The following LDLRAD4 variants were observed in gnomAD, a reference collection of about 807,000 sequenced individuals.
LDLRAD4 encodes the protein low density lipoprotein receptor class A domain containing 4.
LDLRAD4 carries 5 observed loss-of-function variants against 17.0 expected under a neutral mutation model. That is an observed-to-expected ratio of 0.29 (90% CI 0.15 to 0.62). The LOEUF (loss-of-function observed/expected upper bound fraction) is 0.62, where lower values mean the gene tolerates loss of function less well. LDLRAD4 is among the 20% of genes least tolerant of loss of function. LDLRAD4 has a pLI of 0.84. For synonymous variants in LDLRAD4, 168 were observed against 171.8 expected, an observed-to-expected ratio of 0.98 and a Z score of 0.17; for missense variants, 340 against 424.7, an observed-to-expected ratio of 0.80 and a Z score of 1.75.
intron 4 of LDLRAD4, among the ~76,000 whole-genome samples, chr18:13,626,435 TG>T (rs1309850402): frequency 6.6e-6 from 1 of 152,042 alleles, no homozygotes; most frequent in Non-Finnish European, 1.5e-5. Flanking sequence ...CAGCCTGGCC[TG>T]TGTGGACAGC....
intron 1 of LDLRAD4, among the ~76,000 whole-genome samples, chr18:13,227,594 G>A (rs1056977956): frequency 1.3e-5 from 2 of 152,156 alleles, no homozygotes; most frequent in Non-Finnish European, 2.9e-5. Context: ...AGAAATACCC[G>A]AGACTGGGTA....
chr18:13,378,511 C>T (rs183692554), intron 1 of LDLRAD4, among the ~76,000 whole-genome samples: 43 of 152,170 alleles, frequency 2.8e-4, no homozygotes, highest in Admixed American at 1.2e-3. Flanking sequence ...CAGGACCCTG[C>T]GTGATGATTT....
chr18:13,255,194 G>GC (rs371613539), intron 1 of LDLRAD4, among the ~76,000 whole-genome samples: 2,168 of 151,402 alleles, frequency 0.014, 62 homozygotes, highest in African/African-American at 0.049. Context: ...ACAGATGCCC[G>GC]CCCCCCCCAG....
intron 1 of LDLRAD4, among the ~76,000 whole-genome samples, chr18:13,306,047 G>A (rs920624852): frequency 1.3e-5 from 2 of 152,190 alleles, no homozygotes; most frequent in African/African-American, 4.8e-5. Flanking sequence ...AATAGGAGAA[G>A]CAGCAGTTGA....
chr18:13,498,272 A>T (rs1381519727), intron 3 of LDLRAD4, among the ~76,000 whole-genome samples: 3 of 107,700 alleles, frequency 2.8e-5, no homozygotes, highest in Admixed American at 1.9e-4. Flanking sequence ...ATCCTTTTCC[A>T]CACACACGTC....
intron 3 of LDLRAD4, among the ~76,000 whole-genome samples, chr18:13,590,061 CTGCATGTGTGTGGGTG>C (rs1052677822): frequency 9.7e-5 from 14 of 143,728 alleles, no homozygotes; most frequent in Admixed American, 8.3e-4. Flanking sequence ...ATGTGTGTGA[CTGCATGTGTGTGGGTG>C]TGCATGTGTG....
intron 1 of LDLRAD4, among the ~76,000 whole-genome samples, chr18:13,262,248 G>T (rs1446433333): frequency 8.6e-6 from 1 of 115,812 alleles, no homozygotes; most frequent in South Asian, 2.9e-4. Context: ...GTGTGGCTCT[G>T]TGTGTGTGGA....
intron 3 of LDLRAD4, among the ~76,000 whole-genome samples, chr18:13,544,389 A>G (rs1339952770): frequency 6.6e-6 from 1 of 152,240 alleles, no homozygotes; most frequent in Admixed American, 6.5e-5. Context: ...TGGGCAGGGA[A>G]AATATTTGAA....
At chr18:13,283,877 A>G (rs879698657) in intron 1 of LDLRAD4, among the ~76,000 whole-genome samples, 1 of 152,222 alleles carries the variant, frequency 6.6e-6, no homozygotes, top group Non-Finnish European at 1.5e-5. Flanking sequence ...AGGCCTCAGA[A>G]TCGTGGCTGA....
intron 2 of LDLRAD4, among the ~76,000 whole-genome samples, chr18:13,424,763 G>A (rs2089792314): frequency 6.6e-6 from 1 of 152,220 alleles, no homozygotes; most frequent in African/African-American, 2.4e-5. Flanking sequence ...CTAGGCAGGA[G>A]GAACCGTGTA....
At chr18:13,311,894 C>T (rs948460923) in intron 1 of LDLRAD4, among the ~76,000 whole-genome samples, 29 of 148,278 alleles carry the variant, frequency 2.0e-4, no homozygotes, top group African/African-American at 5.2e-4. Flanking sequence ...TGCAGTGGTG[C>T]GATCTTGGCT....
At position 13,381,376 on chromosome 18, in the gene LDLRAD4, CT is replaced by C. The variant is rs1318226805; in HGVS notation, c.-382-5959del. Reference sequence around the variant, plus strand: ...AGGCACCGTGCCCGCCCACTGTATCCTTTTTTATGCCCATTTGCCCTCTCTC... The same window carrying C: ...AGGCACCGTGCCCGCCCACTGTATCCTTTTTATGCCCATTTGCCCTCTCTC... On this transcript the variant is annotated intron_variant, in intron 1 of 5. Transcript: ENST00000359446. Among the ~76,000 whole-genome samples the C allele has an allele frequency of 9.2e-5, 14 of 152,290 alleles. No individual in the cohort carries two copies. The East Asian group carries it at 2.7e-3, about 29-fold the overall frequency.
chr18:13,547,417 T>G (rs908579035), intron 3 of LDLRAD4, among the ~76,000 whole-genome samples: 2 of 152,330 alleles, frequency 1.3e-5, no homozygotes, highest in East Asian at 3.9e-4. Flanking sequence ...GGGTGTTGCT[T>G]CACCCGCTGG....
At chr18:13,439,885 C>T (rs1324855595) in intron 3 of LDLRAD4, among the ~76,000 whole-genome samples, 1 of 152,174 alleles carries the variant, frequency 6.6e-6, no homozygotes, top group Non-Finnish European at 1.5e-5. Flanking sequence ...TCTCCTGAGC[C>T]TCAGTGCCCT....
intron 3 of LDLRAD4, among the ~76,000 whole-genome samples, chr18:13,442,494 A>G (rs1304106820): frequency 1.3e-5 from 2 of 152,222 alleles, no homozygotes; most frequent in Non-Finnish European, 2.9e-5. Flanking sequence ...ACAGAAGGAC[A>G]TGGCTGGGGC....
intron 1 of LDLRAD4, among the ~76,000 whole-genome samples, chr18:13,314,252 C>G (rs2080813020): frequency 6.6e-6 from 1 of 151,998 alleles, no homozygotes; most frequent in Non-Finnish European, 1.5e-5. Context: ...AGAAAGGAGA[C>G]TTTAAAAGAG....
chr18:13,571,732 GT>G (rs2148346445), intron 3 of LDLRAD4, among the ~76,000 whole-genome samples: 1 of 152,202 alleles, frequency 6.6e-6, no homozygotes, highest in South Asian at 2.1e-4. Context: ...CGCCTCCCGG[GT>G]TCACGTCATT....
At chr18:13,403,957 G>T (rs1174119963) in intron 2 of LDLRAD4, among the ~76,000 whole-genome samples, 1 of 152,160 alleles carries the variant, frequency 6.6e-6, no homozygotes, top group Non-Finnish European at 1.5e-5. Flanking sequence ...CACCCAGCCT[G>T]TAAGGAGGTG....
At chr18:13,366,160 A>T (rs1289562792) in intron 1 of LDLRAD4, 1 of 151,910 alleles carries the variant, frequency 6.6e-6, no homozygotes, top group African/African-American at 2.4e-5. Context: ...TGCAGACTCG[A>T]CCTCCTGGGC....
Sources: allele counts gnomAD v4.1 joint callset (sites outside exome capture counted in the v4.1 genomes callset), GRCh38; gene constraint gnomAD v4.1.1; transcripts MANE v1.5; gene names NCBI Gene and HGNC (gene_info 2026-07-23, HGNC 2026-07-21).